Variants in SFRP1 observed in about 807,000 individuals in gnomAD.
The protein encoded by SFRP1 is secreted frizzled related protein 1, also known as secreted frizzled-related protein 1.
Under a neutral mutation model 25.9 loss-of-function variants are expected in SFRP1, and 9 were observed. The ratio of observed to expected loss-of-function variants is 0.35; its 90% confidence interval spans 0.21 to 0.61. The LOEUF (loss-of-function observed/expected upper bound fraction) is 0.61, where lower values mean the gene tolerates loss of function less well. SFRP1 is among the 20% of genes least tolerant of loss of function. The pLI, the probability that SFRP1 is intolerant of heterozygous loss-of-function variation, is 0.78. For synonymous variants in SFRP1, 178 were observed against 174.0 expected (o/e 1.02, Z -0.18); for missense variants, 346 against 418.2 (o/e 0.83, Z 1.51).
At chr8:41,267,562 A>G (rs1461948333) in intron 2 of SFRP1, among the ~76,000 whole-genome samples, 1 of 152,214 alleles carries the variant, frequency 6.6e-6, no homozygotes, top group Non-Finnish European at 1.5e-5. Flanking sequence ...CACCCTGAGG[A>G]AAGTCTTTAA....
intron 2 of SFRP1, among the ~76,000 whole-genome samples, chr8:41,275,949 T>C (rs187262874): frequency 6.6e-6 from 1 of 152,314 alleles, no homozygotes; most frequent in African/African-American, 2.4e-5. Context: ...GGTCTTGGCA[T>C]CTTTCCCAGG....
At position 41,303,492 on chromosome 8, in the gene SFRP1, G is replaced by T. The variant is rs374048384; in HGVS notation, c.591C>A (p.Ala197=). ...PPCDNELKSE[A]IIEHLCASEF... is the part of the protein sequence containing the mutation. ...CGCTGGCACAGAGATGTTCAATGAT[G>T]GCCTCAGATTTCAACTCGTTGTCAC... is the stretch of plus-strand genomic sequence containing the variant. Residue 197 remains alanine, a synonymous_variant, in exon 2 of 3, where the codon GCC becomes GCA. Coordinates refer to ENST00000220772, the MANE Select transcript of SFRP1 (RefSeq NM_003012.5). 9 of 1,613,856 alleles carry T rather than the reference G, an allele frequency of 5.6e-6. No individual in the cohort carries two copies. Among genetic ancestry groups the T allele is most frequent in the Non-Finnish European group, 7.6e-6 (9 of 1,179,964 alleles).
At chr8:41,272,170 G>T (rs1803517868) in intron 2 of SFRP1, among the ~76,000 whole-genome samples, 1 of 152,128 alleles carries the variant, frequency 6.6e-6, no homozygotes, top group African/African-American at 2.4e-5. Context: ...TGGCTCAGCT[G>T]CAAATAATAT....
intron 1 of SFRP1, among the ~76,000 whole-genome samples, chr8:41,304,089 G>A (rs2117520671): frequency 6.6e-6 from 1 of 152,276 alleles, no homozygotes; most frequent in South Asian, 2.1e-4. Flanking sequence ...ACCGCAGCAG[G>A]AGGCCAGGGC....
intron 2 of SFRP1, among the ~76,000 whole-genome samples, chr8:41,289,684 C>A (rs2117504019): frequency 6.6e-6 from 1 of 152,344 alleles, no homozygotes; most frequent in South Asian, 2.1e-4. Context: ...ACCAGCAGTT[C>A]TAAATGGACT....
chr8:41,302,427 C>T (rs184590229), intron 2 of SFRP1, among the ~76,000 whole-genome samples: 17 of 152,292 alleles, frequency 1.1e-4, no homozygotes, highest in African/African-American at 2.9e-4. Flanking sequence ...TTACCATGTT[C>T]GATTAATGAA....
At chr8:41,302,067 C>A (rs750906909) in intron 2 of SFRP1, among the ~76,000 whole-genome samples, 9 of 152,184 alleles carry the variant, frequency 5.9e-5, no homozygotes, top group Non-Finnish European at 2.9e-5. Flanking sequence ...TCATGTATTA[C>A]ATTTATTTAG....
intron 2 of SFRP1, among the ~76,000 whole-genome samples, chr8:41,295,040 C>A (rs1309666990): frequency 2.0e-5 from 3 of 152,278 alleles, no homozygotes; most frequent in African/African-American, 7.2e-5. Flanking sequence ...AGTTTATAAT[C>A]CAGCAGTCTC....
Position 41,299,597 on chromosome 8 carries a change from C to T in SFRP1, c.622+3864G>A, listed in dbSNP as rs367562209. On this transcript the variant is annotated intron_variant, in intron 2 of 2. Coordinates refer to ENST00000220772, the MANE Select transcript of SFRP1 (RefSeq NM_003012.5). ...AGGGGGATCGCTTGAGCCCGGGGGG[C>T]GGAGATTGCAGTGAACTGAGATCAT... is the stretch of plus-strand genomic sequence containing the variant. 2.4e-4 allele frequency among the ~76,000 whole-genome samples: 8 copies of T among 32,670 alleles called. 1 individual carries two copies. Among genetic ancestry groups the T allele is most frequent in the East Asian group, 2.2e-3 (4 of 1,826 alleles). 21.4% of individuals were successfully genotyped at this position (32,670 alleles called of 152,430 possible).
chr8:41,296,980 G>C lies in SFRP1; in HGVS notation c.622+6481C>G, dbSNP rs139723940. Among the ~76,000 whole-genome samples the C allele has an allele frequency of 8.4e-4, 128 of 152,262 alleles. 1 individual carries two copies. Among genetic ancestry groups the C allele is most frequent in the African/African-American group, 2.9e-3 (122 of 41,554 alleles). On this transcript the variant is annotated intron_variant, in intron 2 of 2. Coordinates refer to ENST00000220772, the MANE Select transcript of SFRP1 (RefSeq NM_003012.5). Reference sequence around the variant, plus strand: ...AGTTAGGGTTTGGCTTTCCGAGGGGGAGTTGTTTGTTATTGTTATTGTGAA... The same window carrying C: ...AGTTAGGGTTTGGCTTTCCGAGGGGCAGTTGTTTGTTATTGTTATTGTGAA...
Position 41,263,698 on chromosome 8 carries a change from C to G in SFRP1, c.*1469G>C, listed in dbSNP as rs1803400936. ...CATTGGACAAGAAGGGTAAAGTTGT[C>G]TAAGTGAACTGGCTTATATACATCG... On this transcript the variant is annotated 3_prime_UTR_variant, in exon 3 of 3. Coordinates refer to ENST00000220772, the MANE Select transcript of SFRP1 (RefSeq NM_003012.5). 1.3e-5 allele frequency: 2 copies of G among 152,140 alleles called. No homozygotes were observed. The highest frequency in any genetic ancestry group is 2.9e-5 in the Non-Finnish European group (2 of 68,026). 9.4% of individuals were successfully genotyped at this position (152,140 alleles called of 1,614,324 possible).
chr8:41,292,751 G>A lies in SFRP1; in HGVS notation c.622+10710C>T, dbSNP rs528501359. Among the ~76,000 whole-genome samples the A allele has an allele frequency of 4.2e-4, 64 of 152,312 alleles. 1 individual carries two copies. The highest frequency in any genetic ancestry group is 6.8e-4 in the Non-Finnish European group (46 of 68,038). On this transcript the variant is annotated intron_variant, in intron 2 of 2. Transcript: ENST00000220772. ...AAGCAGGGCTCAGTAGAAGCCCAAC[G>A]ATTGTTGAATCATCTCTGCAAGAGT...
At chr8:41,288,488 G>T (rs1231868635) in intron 2 of SFRP1, among the ~76,000 whole-genome samples, 2 of 123,216 alleles carry the variant, frequency 1.6e-5, no homozygotes, top group Admixed American at 1.0e-4. Flanking sequence ...ACTGAGCCAT[G>T]ATAGTGCCAC....
chr8:41,266,038 C>A (rs958604894), intron 2 of SFRP1, among the ~76,000 whole-genome samples: 2 of 152,136 alleles, frequency 1.3e-5, no homozygotes, highest in South Asian at 4.2e-4. Context: ...TGGTGGCAGG[C>A]GCCCATAATC....
chr8:41,288,222 G>C (rs573408018), intron 2 of SFRP1, among the ~76,000 whole-genome samples: 2 of 152,014 alleles, frequency 1.3e-5, no homozygotes, highest in Non-Finnish European at 2.9e-5. Context: ...GCCAGTTGTT[G>C]TGGGACGTGC....
intron 2 of SFRP1, among the ~76,000 whole-genome samples, chr8:41,288,470 G>C (rs564465269): frequency 7.4e-6 from 1 of 134,580 alleles, no homozygotes; most frequent in Non-Finnish European, 1.5e-5. Context: ...CCAGGAGTTC[G>C]AGGCTGCACT....
At chr8:41,281,616 A>G (rs1159493255) in intron 2 of SFRP1, among the ~76,000 whole-genome samples, 2 of 152,230 alleles carry the variant, frequency 1.3e-5, no homozygotes, top group Non-Finnish European at 2.9e-5. Flanking sequence ...CAGGGGCATA[A>G]TATAAACAAG....
intron 2 of SFRP1, among the ~76,000 whole-genome samples, chr8:41,277,892 T>C (rs1299164221): frequency 1.3e-5 from 2 of 152,214 alleles, no homozygotes; most frequent in Non-Finnish European, 2.9e-5. Flanking sequence ...ATTACAAGCA[T>C]GAGCCACTGT....
At chr8:41,272,717 AAG>A (rs1236987399) in intron 2 of SFRP1, among the ~76,000 whole-genome samples, 1 of 152,228 alleles carries the variant, frequency 6.6e-6, no homozygotes, top group Non-Finnish European at 1.5e-5. Context: ...AGGAAAGAAA[AAG>A]AGAATCAATC....
Sources: allele counts gnomAD v4.1 joint callset (sites outside exome capture counted in the v4.1 genomes callset), GRCh38; gene constraint gnomAD v4.1.1; transcripts MANE v1.5; gene names NCBI Gene and HGNC (gene_info 2026-07-23, HGNC 2026-07-21).